The following GRID1 variants were observed in gnomAD, a reference collection of about 807,000 sequenced individuals.
GRID1 encodes the protein glutamate ionotropic receptor delta type subunit 1.
Under a neutral mutation model 98.0 loss-of-function variants are expected in GRID1, and 28 were observed. That is an observed-to-expected ratio of 0.29 (90% CI 0.21 to 0.39). The LOEUF (loss-of-function observed/expected upper bound fraction) is 0.39. GRID1 is among the 10% of genes least tolerant of loss of function. The pLI is 1.00. For missense variants in GRID1, 1,111 were observed against 1,340.5 expected, an observed-to-expected ratio of 0.83 and a Z score of 2.67; for synonymous variants, 553 against 538.5, an observed-to-expected ratio of 1.03 and a Z score of -0.37.
chr10:85,743,105 G>GCAC (rs774463906), intron 8 of GRID1, among the ~76,000 whole-genome samples: 2 of 82,672 alleles, frequency 2.4e-5, no homozygotes, highest in African/African-American at 7.9e-5. Context: ...GAATTATGCA[G>GCAC]CCCCCCCCCC....
At chr10:86,318,460 C>G (rs1847927987) in intron 2 of GRID1, among the ~76,000 whole-genome samples, 1 of 152,260 alleles carries the variant, frequency 6.6e-6, no homozygotes, top group African/African-American at 2.4e-5. Context: ...CAGCCCACAC[C>G]AGGGGTCCAC....
intron 12 of GRID1, among the ~76,000 whole-genome samples, chr10:85,671,583 A>G (rs1841086128): frequency 6.6e-6 from 1 of 152,038 alleles, no homozygotes; most frequent in Non-Finnish European, 1.5e-5. Flanking sequence ...CTATTCCCCA[A>G]CACACAACAA....
chr10:85,859,951 T>C (rs544053389), intron 6 of GRID1, among the ~76,000 whole-genome samples: 2 of 152,240 alleles, frequency 1.3e-5, no homozygotes, highest in South Asian at 4.1e-4. Context: ...CAGAGCCTGA[T>C]AAACATAAAA....
intron 4 of GRID1, among the ~76,000 whole-genome samples, chr10:85,951,386 CAT>C (rs1564633861): frequency 1.3e-5 from 2 of 152,152 alleles, no homozygotes; most frequent in Non-Finnish European, 2.9e-5. Context: ...AGTGTGCTCA[CAT>C]GTTATATTTC....
intron 8 of GRID1, among the ~76,000 whole-genome samples, chr10:85,756,545 C>A (rs773165630): frequency 1.3e-5 from 2 of 152,162 alleles, no homozygotes; most frequent in Non-Finnish European, 2.9e-5. Context: ...GCATTATCTA[C>A]AGTGTGAATA....
intron 13 of GRID1, among the ~76,000 whole-genome samples, chr10:85,640,605 A>AT (rs907028896): frequency 1.3e-5 from 2 of 152,162 alleles, no homozygotes; most frequent in Admixed American, 1.3e-4. Context: ...CCCTTTCCAA[A>AT]TGAAGGGTTA....
chr10:85,857,253 G>A (rs1341775234), intron 6 of GRID1, among the ~76,000 whole-genome samples: 4 of 152,210 alleles, frequency 2.6e-5, no homozygotes, highest in Non-Finnish European at 4.4e-5. Context: ...ACACATCCCT[G>A]TCTCAGTGCT....
At chr10:86,108,201 C>G (rs867413452) in intron 4 of GRID1, among the ~76,000 whole-genome samples, 2 of 152,122 alleles carry the variant, frequency 1.3e-5, no homozygotes, top group Non-Finnish European at 2.9e-5. Context: ...GTTTGAGCAG[C>G]GGGGCACTGA....
chr10:86,139,507 CT>C (rs1844981307), intron 3 of GRID1, among the ~76,000 whole-genome samples: 1 of 152,202 alleles, frequency 6.6e-6, no homozygotes, highest in African/African-American at 2.4e-5. Context: ...CCCTCAGTCC[CT>C]GCACCAATCC....
In GRID1 at chr10:86,082,737, G is replaced by A. The variant is rs560706854; in HGVS notation, c.726+56082C>T. 7.9e-5 allele frequency among the ~76,000 whole-genome samples: 12 copies of A among 152,070 alleles called. No homozygotes were observed. The East Asian group carries it at 1.7e-3, about 22-fold the overall frequency. ...CTCCAACCTCAAGTCCCCACCCTAC[G>A]CCTCCCTCTGCCCCACCACTCAGTG... On this transcript the variant is annotated intron_variant, in intron 4 of 15. Coordinates refer to ENST00000327946, the MANE Select transcript of GRID1 (RefSeq NM_017551.3).
chr10:86,126,710 T>C lies in GRID1; in HGVS notation c.726+12109A>G, dbSNP rs537654152. Among the ~76,000 whole-genome samples the C allele has an allele frequency of 2.0e-5, 3 of 152,332 alleles. No homozygotes were observed. In the South Asian group the frequency reaches 6.2e-4, roughly 32 times the overall value. On this transcript the variant is annotated intron_variant, in intron 4 of 15. Coordinates refer to ENST00000327946, the MANE Select transcript of GRID1 (RefSeq NM_017551.3). Reference sequence around the variant, plus strand: ...AGAGTTCAGAATTTTTGTAATTAGCTACAAACATTTAAAAACTAAGAGATT... The same window carrying C: ...AGAGTTCAGAATTTTTGTAATTAGCCACAAACATTTAAAAACTAAGAGATT...
At chr10:85,695,601 T>C (rs777866504) in intron 12 of GRID1, among the ~76,000 whole-genome samples, 7 of 152,200 alleles carry the variant, frequency 4.6e-5, no homozygotes, top group Admixed American at 2.0e-4. Flanking sequence ...ACAGGAGGAA[T>C]AGAAGAATAA....
intron 5 of GRID1, among the ~76,000 whole-genome samples, chr10:85,895,757 C>T (rs1841284707): frequency 6.6e-6 from 1 of 152,146 alleles, no homozygotes; most frequent in African/African-American, 2.4e-5. Context: ...CTTTGAGGCA[C>T]ATAGTCTTAA....
chr10:85,894,832 AC>A (rs1437095714), intron 5 of GRID1, among the ~76,000 whole-genome samples: 1 of 151,254 alleles, frequency 6.6e-6, no homozygotes, highest in African/African-American at 2.4e-5. Flanking sequence ...GCATGGTGAA[AC>A]CCCGTCTCTA....
intron 4 of GRID1, among the ~76,000 whole-genome samples, chr10:85,939,103 T>C (rs1465788752): frequency 6.6e-6 from 1 of 152,140 alleles, no homozygotes; most frequent in Non-Finnish European, 1.5e-5. Flanking sequence ...CCAGGCCGCC[T>C]GGTGCCTGGT....
At chr10:85,718,221 C>T (rs1195515462) in intron 12 of GRID1, among the ~76,000 whole-genome samples, 1 of 152,226 alleles carries the variant, frequency 6.6e-6, no homozygotes, top group East Asian at 1.9e-4. Flanking sequence ...ACACATTTCC[C>T]TTCCGCATTG....
rs1846782151 is a variant in GRID1, at chr10:86,249,254, G to A, written c.236-42606C>T. Among the ~76,000 whole-genome samples the A allele has an allele frequency of 4.6e-5, 7 of 152,320 alleles. No homozygotes were observed. In the South Asian group the frequency reaches 1.4e-3, roughly 32 times the overall value. ...CCCCTCCCTTGGCAGCAGGACCTAT[G>A]TCCTGGGGTTAGACCTGGGAGATCA... is the stretch of plus-strand genomic sequence containing the variant. On this transcript the variant is annotated intron_variant, in intron 2 of 15. Coordinates refer to ENST00000327946, the MANE Select transcript of GRID1 (RefSeq NM_017551.3).
intron 8 of GRID1, among the ~76,000 whole-genome samples, chr10:85,791,730 C>T (rs1391374872): frequency 6.6e-6 from 1 of 152,136 alleles, no homozygotes; most frequent in African/African-American, 2.4e-5. Context: ...CAAATATTCT[C>T]CCCAGTCTCA....
intron 4 of GRID1, among the ~76,000 whole-genome samples, chr10:85,961,763 CT>C (rs1415689373): frequency 5.9e-5 from 9 of 151,732 alleles, no homozygotes; most frequent in Non-Finnish European, 8.8e-5. Flanking sequence ...CTTCCTCCCT[CT>C]CTTCCCTTCT....
Sources: allele counts gnomAD v4.1 joint callset (sites outside exome capture counted in the v4.1 genomes callset), GRCh38; gene constraint gnomAD v4.1.1; transcripts MANE v1.5; gene names NCBI Gene and HGNC (gene_info 2026-07-23, HGNC 2026-07-21).